The following RBBP8NL variants were observed in gnomAD, a reference collection of about 807,000 sequenced individuals.
The protein encoded by RBBP8NL is RBBP8 N-terminal-like protein.
In RBBP8NL, 59 loss-of-function variants were observed where a neutral mutation model predicts 62.2. That is an observed-to-expected ratio of 0.95 (90% CI 0.77 to 1.18). RBBP8NL has a LOEUF of 1.18. RBBP8NL is among the 50% of genes most tolerant of loss of function. The pLI, the probability that RBBP8NL is intolerant of heterozygous loss-of-function variation, is 0.00. For synonymous variants in RBBP8NL, 412 were observed against 394.1 expected (o/e 1.05, Z -0.54); for missense variants, 896 against 899.5 (o/e 1.00, Z 0.05).
At chr20:62,423,166 C>T (rs971345641) in intron 1 of RBBP8NL, among the ~76,000 whole-genome samples, 5 of 152,230 alleles carry the variant, frequency 3.3e-5, no homozygotes, top group South Asian at 2.1e-4. Context: ...TCCCGAACTC[C>T]GTACACACTG....
At chr20:62,425,538 A>G (rs1988785597) in intron 1 of RBBP8NL, among the ~76,000 whole-genome samples, 1 of 152,218 alleles carries the variant, frequency 6.6e-6, no homozygotes, top group African/African-American at 2.4e-5. Flanking sequence ...TGTCCGGCCG[A>G]GTGCCAAAAC....
At position 62,418,376 on chromosome 20, in the gene RBBP8NL, G is replaced by A. The variant is rs1010101645; in HGVS notation, c.104+47C>T. 2.6e-6 allele frequency: 4 copies of A among 1,517,924 alleles called. No homozygotes were observed. The African/African-American group carries it at 4.1e-5, about 16-fold the overall frequency. The allele number at this position is 1,517,924 out of a possible 1,614,324, so 94.0% of individuals were successfully genotyped here. Reference sequence around the variant, plus strand: ...CACTGGGGCTTCAGGGGGATGAAGTGGCCAGTGTGGTCCCTGTGAGGAGGG... The same window carrying A: ...CACTGGGGCTTCAGGGGGATGAAGTAGCCAGTGTGGTCCCTGTGAGGAGGG... On this transcript the variant is annotated intron_variant, in intron 3 of 13. Coordinates refer to ENST00000252998, the MANE Select transcript of RBBP8NL (RefSeq NM_080833.3).
Position 62,414,077 on chromosome 20 carries a change from G to A in RBBP8NL, c.1274C>T (p.Ala425Val). The change falls in exon 10 of 14, where the codon GCC (alanine) becomes GTC (valine). Residue 425 changes from alanine (A) to valine (V), a missense_variant. Transcript: ENST00000252998. ...RHTQPAGPGR[A>V]QRTEAAATQD... Reference sequence around the variant, plus strand: ...CGTGGCTGCAGCCTCTGTCCTCTGGGCGCGGCCCGGGCCTGCAGGCTGTGT... The same window carrying A: ...CGTGGCTGCAGCCTCTGTCCTCTGGACGCGGCCCGGGCCTGCAGGCTGTGT... The A allele has an allele frequency of 3.1e-6, 5 of 1,593,498 alleles. No individual in the cohort carries two copies. Among genetic ancestry groups the A allele is most frequent in the Non-Finnish European group, 4.3e-6 (5 of 1,171,978 alleles).
In RBBP8NL at chr20:62,414,379, G is replaced by C. The variant is rs1333597844; in HGVS notation, c.972C>G (p.Ala324=). 8 of 1,544,302 alleles carry C rather than the reference G, an allele frequency of 5.2e-6. No individual in the cohort carries two copies. Among genetic ancestry groups the C allele is most frequent in the Non-Finnish European group, 7.0e-6 (8 of 1,140,642 alleles). The change falls in exon 10 of 14, where the codon GCC becomes GCG. Residue 324 remains alanine, a synonymous_variant. Transcript: ENST00000252998. ...GCTCCTCCCAGGCCTCTGCTTCTCT[G>C]GCCTTCAGGTCCTGGAGCCGGGGGT... is the stretch of plus-strand genomic sequence containing the variant. ...PSDPRLQDLK[A]REAEAWEEPT...
At chr20:62,419,296 A>C (rs1202272001) in intron 2 of RBBP8NL, among the ~76,000 whole-genome samples, 2 of 152,022 alleles carry the variant, frequency 1.3e-5, no homozygotes, top group Non-Finnish European at 2.9e-5. Context: ...GGTGGCCATG[A>C]GGTGTTGGTG....
At chr20:62,427,153 T>G (rs997979059) in intron 1 of RBBP8NL, among the ~76,000 whole-genome samples, 1 of 152,198 alleles carries the variant, frequency 6.6e-6, no homozygotes, top group African/African-American at 2.4e-5. Context: ...CACCAGCCTG[T>G]CCCTGATGCC....
At position 62,421,413 on chromosome 20, in the gene RBBP8NL, G is replaced by A. The variant is rs534990339; in HGVS notation, c.-83-1683C>T. ...CCCAAGTCAGTGTGCGTGAGTGTGC[G>A]TGTGTGTGCCGTGTATGCGTGATTG... On this transcript the variant is annotated intron_variant, in intron 1 of 13. Coordinates refer to ENST00000252998, the MANE Select transcript of RBBP8NL (RefSeq NM_080833.3). 2.0e-4 allele frequency among the ~76,000 whole-genome samples: 22 copies of A among 111,688 alleles called. No individual in the cohort carries two copies. In the East Asian group the frequency reaches 6.0e-3, roughly 30 times the overall value. 73.3% of individuals were successfully genotyped at this position (111,688 alleles called of 152,430 possible). A position where few individuals can be genotyped will look rare whatever the true frequency, so the allele number is the denominator to read the frequency against.
intron 1 of RBBP8NL, among the ~76,000 whole-genome samples, chr20:62,425,211 G>A (rs1988780778): frequency 1.3e-5 from 2 of 152,138 alleles, no homozygotes; most frequent in Non-Finnish European, 2.9e-5. Context: ...ATTCACCTGC[G>A]CCTCCCTCAT....
In RBBP8NL at chr20:62,413,767, G is replaced by A. The variant is rs972615743; in HGVS notation, c.1530+54C>T. ...GAGGTCTGGGGGGAGGCCGGCCCGG[G>A]GTGGGGGACGTGGAGGCTGAGGACC... is the stretch of plus-strand genomic sequence containing the variant. On this transcript the variant is annotated intron_variant, in intron 10 of 13. Coordinates refer to ENST00000252998, the MANE Select transcript of RBBP8NL (RefSeq NM_080833.3). 15 of 1,526,798 alleles carry A rather than the reference G, an allele frequency of 9.8e-6. No homozygotes were observed. The East Asian group carries it at 3.0e-4, about 30-fold the overall frequency. The allele number at this position is 1,526,798 out of a possible 1,614,324, so 94.6% of individuals were successfully genotyped here.
At chr20:62,418,005 C>G (rs1988619560) in intron 3 of RBBP8NL, among the ~76,000 whole-genome samples, 1 of 151,890 alleles carries the variant, frequency 6.6e-6, no homozygotes, top group Non-Finnish European at 1.5e-5. Context: ...TCTGCACGCT[C>G]CTCTGTGACG....
At chr20:62,412,359 C>T (rs8125510) in intron 13 of RBBP8NL, among the ~76,000 whole-genome samples, 3,458 of 152,324 alleles carry the variant, frequency 0.023, 139 homozygotes, top group African/African-American at 0.079. Context: ...ATGTCAGCCC[C>T]CTTACAGGCG....
At chr20:62,412,802 C>CCCTGCT in intron 12 of RBBP8NL, 28 bp downstream of exon 12, 1 of 1,613,232 alleles carries the variant, frequency 6.2e-7, no homozygotes, top group Non-Finnish European at 8.5e-7. Context: ...CCTGGCCCTG[C>CCCTGCT]CCTGCTGAGT....
chr20:62,415,278 G>T lies in RBBP8NL; in HGVS notation c.637C>A (p.Arg213Ser), dbSNP rs766362259. 9 of 1,571,504 alleles carry T rather than the reference G, an allele frequency of 5.7e-6. No homozygotes were observed. The highest frequency in any genetic ancestry group is 7.7e-6 in the Non-Finnish European group (9 of 1,166,204). The change falls in exon 9 of 14, where the codon CGC becomes AGC. Residue 213 changes from arginine to serine, a missense_variant. By Grantham distance (110) the Arg-to-Ser change is moderately radical (BLOSUM62 -1). Transcript: ENST00000252998. ...GTCCCGTGCAGCTGGTTGGAGATGCGCTGGGGGCTCTGTGAGGATGGGTGG... is the reference window on the plus strand; with the variant it reads ...GTCCCGTGCAGCTGGTTGGAGATGCTCTGGGGGCTCTGTGAGGATGGGTGG... Reference protein sequence around the residue: ...ESRAPDMSPQRISNQLHGTIA... With the variant: ...ESRAPDMSPQSISNQLHGTIA...
intron 1 of RBBP8NL, among the ~76,000 whole-genome samples, chr20:62,423,879 C>T (rs965140190): frequency 9.8e-4 from 150 of 152,314 alleles, no homozygotes; most frequent in African/African-American, 3.5e-3. Context: ...CACCCGCAGC[C>T]TTGAGCCAGG....
In RBBP8NL at chr20:62,410,907, G is replaced by A. The variant is rs765155518; in HGVS notation, c.1966C>T (p.Pro656Ser). ...GTCTCCTCCCAGGGGCTGCTGTTGG[G>A]GGAGGGACTGTGGTCCTCGGCGTCC... ...PRDAEDHSPS[P>S]NSSPWEET The change falls in exon 14 of 14, where the codon CCC (proline) becomes TCC (serine). Residue 656 changes from proline (P) to serine (S), a missense_variant. Coordinates refer to ENST00000252998, the MANE Select transcript of RBBP8NL (RefSeq NM_080833.3). 4 of 1,613,184 alleles carry A rather than the reference G, an allele frequency of 2.5e-6. No homozygotes were observed. In the South Asian group the frequency reaches 3.3e-5, roughly 13 times the overall value.
At position 62,416,736 on chromosome 20, in the gene RBBP8NL, G is replaced by A. The variant is rs528356217; in HGVS notation, c.313+24C>T. 5.6e-5 allele frequency: 86 copies of A among 1,523,626 alleles called. 1 individual carries two copies. The South Asian group carries it at 7.4e-4, about 13-fold the overall frequency. The allele number at this position is 1,523,626 out of a possible 1,614,324, so 94.4% of individuals were successfully genotyped here. A position where few individuals can be genotyped will look rare whatever the true frequency, so the allele number is the denominator to read the frequency against. ...GCCTGGCCCCGTGGGAGAGGACCCCGGTTGTCTGGTGGGTGGGGCTCACTG... is the reference window on the plus strand; with the variant it reads ...GCCTGGCCCCGTGGGAGAGGACCCCAGTTGTCTGGTGGGTGGGGCTCACTG... On this transcript the variant is annotated intron_variant, in intron 5 of 13. Coordinates refer to ENST00000252998, the MANE Select transcript of RBBP8NL (RefSeq NM_080833.3).
At chr20:62,420,468 C>T (rs1216810532) in intron 1 of RBBP8NL, among the ~76,000 whole-genome samples, 1 of 152,002 alleles carries the variant, frequency 6.6e-6, no homozygotes, top group African/African-American at 2.4e-5. Context: ...ACATAACACA[C>T]ATGCACAAAG....
chr20:62,414,684 C>A (rs1601486321), intron 9 of RBBP8NL, 128 bp from the exon 10 acceptor site: 4 of 1,098,166 alleles, frequency 3.6e-6, no homozygotes, highest in Non-Finnish European at 4.8e-6. Context: ...AGAGGTGCAG[C>A]AAGCTGCATG....
intron 8 of RBBP8NL, 79 bp downstream of exon 8, chr20:62,415,499 A>G: frequency 6.7e-7 from 1 of 1,494,120 alleles, no homozygotes; most frequent in South Asian, 1.1e-5. Flanking sequence ...AGGCTGGCAT[A>G]CTGAAAGTGC....
Sources: gnomAD v4.1 joint callset for allele counts (sites outside exome capture counted in the v4.1 genomes callset) on GRCh38, gnomAD v4.1.1 for gene constraint, MANE v1.5 for transcripts, NCBI Gene and HGNC (gene_info 2026-07-23, HGNC 2026-07-21) for gene names.